SAG: variants seen among roughly 807,000 people sequenced by gnomAD.
The protein encoded by SAG is S-antigen visual arrestin, also known as S-arrestin.
SAG carries 45 observed loss-of-function variants against 55.0 expected under a neutral mutation model. That is an observed-to-expected ratio of 0.82 (90% CI 0.64 to 1.05). The LOEUF (loss-of-function observed/expected upper bound fraction) is 1.05. Among genes scored for constraint, SAG ranks in the 50% least tolerant of loss-of-function variants. The probability of loss-of-function intolerance (pLI) is 0.00; values close to 1 mark genes in which losing one functional copy is unlikely to be tolerated. For missense variants in SAG, 455 were observed against 512.1 expected (o/e 0.89, Z 1.08); for synonymous variants, 189 against 197.4 (o/e 0.96, Z 0.36).
intron 10 of SAG, chr2:233,333,305 A>C (rs924958361): frequency 6.6e-6 from 1 of 152,166 alleles, no homozygotes. Context: ...ACCTTTCCTC[A>C]TGTGCTCAGC....
At chr2:233,314,292 A>G (rs983293537) in intron 2 of SAG, among the ~76,000 whole-genome samples, 1 of 151,594 alleles carries the variant, frequency 6.6e-6, no homozygotes, top group Admixed American at 6.6e-5. Flanking sequence ...GGGTGCTGGC[A>G]CCTCCCTGGG....
intron 11 of SAG, 45 bp downstream of exon 11, chr2:233,335,144 G>C: frequency 6.3e-7 from 1 of 1,583,266 alleles, no homozygotes; most frequent in Middle Eastern, 2.1e-4. Flanking sequence ...AGGGCGGGCT[G>C]GTGCTGGTCT....
chr2:233,335,237 T>C, intron 11 of SAG, 138 bp downstream of exon 11: 2 of 1,152,262 alleles, frequency 1.7e-6, no homozygotes, highest in Non-Finnish European at 2.4e-6. Flanking sequence ...GGAGTGCATA[T>C]CTACGGGCCC....
intron 10 of SAG, chr2:233,332,013 C>T: frequency 5.0e-6 from 2 of 400,954 alleles, no homozygotes; most frequent in Non-Finnish European, 9.1e-6. Flanking sequence ...TCTATTTATC[C>T]TTGGAATGAA....
intron 6 of SAG, among the ~76,000 whole-genome samples, chr2:233,323,467 G>A (rs1029438735): frequency 1.3e-5 from 2 of 152,002 alleles, no homozygotes; most frequent in Non-Finnish European, 2.9e-5. Context: ...AGGTTCAAGC[G>A]ATTCTTCTGC....
At chr2:233,315,640 C>G (rs1700197429) in intron 2 of SAG, among the ~76,000 whole-genome samples, 1 of 151,550 alleles carries the variant, frequency 6.6e-6, no homozygotes, top group Admixed American at 6.6e-5. Flanking sequence ...CATTCCACAG[C>G]TGGAAATAAA....
In SAG at chr2:233,316,114, G is replaced by A; in HGVS notation, c.115G>A (p.Val39Ile). 6.3e-7 allele frequency: 1 copy of A among 1,597,326 alleles called. No individual in the cohort carries two copies. The highest frequency in any genetic ancestry group is 8.5e-7 in the Non-Finnish European group (1 of 1,169,698). ...YLGNRDYIDH[V>I]SQVQPVDGVV... The stretch of plus-strand genomic sequence containing the variant: ...GGGGAACAGAGACTACATAGACCAT[G>A]TCAGCCAAGTCCAGCCTGTGGGTAA... Residue 39 changes from valine (V) to isoleucine (I), a missense_variant, in exon 3 of 16, where the codon GTC becomes ATC. Transcript: ENST00000409110.
rs557503723 is a variant in SAG at position 233,319,114 on chromosome 2, G to A, written c.181+319G>A. The A allele has an allele frequency of 5.9e-6, 3 of 508,448 alleles. No individual in the cohort carries two copies. The highest frequency in any genetic ancestry group is 2.4e-5 in the Admixed American group (1 of 41,716). The allele number at this position is 508,448 out of a possible 1,614,324, so 31.5% of individuals were successfully genotyped here. A position where few individuals can be genotyped will look rare whatever the true frequency, so the allele number is the denominator to read the frequency against. On this transcript the variant is annotated intron_variant, in intron 4 of 15. Transcript: ENST00000409110. The surrounding 1 kb of genome is among the most constrained non-coding windows in gnomAD (Gnocchi z 4.4). The stretch of plus-strand genomic sequence containing the variant: ...TGTTTCATGTACTTCTGTGCTAGGG[G>A]CAAACTCAGGAGGGTGCCTGGGGTG...
At chr2:233,312,064 T>G (rs1700089077) in intron 2 of SAG, among the ~76,000 whole-genome samples, 1 of 152,122 alleles carries the variant, frequency 6.6e-6, no homozygotes, top group South Asian at 2.1e-4. Context: ...AGGTGGAGTT[T>G]GCAGTGAGCC....
intron 6 of SAG, 64 bp from the exon 7 acceptor site, chr2:233,327,057 C>T: frequency 7.7e-7 from 1 of 1,301,762 alleles, no homozygotes; most frequent in East Asian, 2.3e-5. Flanking sequence ...AGGTGTGGCC[C>T]TCTGGCCCGG....
intron 8 of SAG, 141 bp from the exon 9 acceptor site, chr2:233,329,352 T>C: frequency 4.6e-6 from 3 of 648,682 alleles, no homozygotes; most frequent in Non-Finnish European, 8.3e-6. Flanking sequence ...TTAGAAGAAA[T>C]GTATTGCTAT....
At chr2:233,339,939 G>A (rs960506312) in intron 12 of SAG, among the ~76,000 whole-genome samples, 3 of 147,648 alleles carry the variant, frequency 2.0e-5, no homozygotes, top group African/African-American at 7.5e-5. Context: ...CTGGATTACA[G>A]GTGTGAGCCA....
chr2:233,311,329 C>T (rs1700070282), intron 2 of SAG, among the ~76,000 whole-genome samples: 1 of 152,114 alleles, frequency 6.6e-6, no homozygotes, highest in South Asian at 2.1e-4. Flanking sequence ...TTGACAACAT[C>T]CAGAAGGAAG....
intron 5 of SAG, among the ~76,000 whole-genome samples, chr2:233,322,391 G>A (rs181978537): frequency 6.6e-6 from 1 of 152,196 alleles, no homozygotes. Context: ...TTTATGATGT[G>A]GGAAAATGGT....
chr2:233,318,328 C>T (rs1454133453), intron 3 of SAG, among the ~76,000 whole-genome samples: 1 of 150,846 alleles, frequency 6.6e-6, no homozygotes, highest in Non-Finnish European at 1.5e-5. Flanking sequence ...CCACACCCAG[C>T]TAATTTTTTT....
At chr2:233,342,466 G>C in intron 14 of SAG, 140 bp downstream of exon 14, 1 of 726,850 alleles carries the variant, frequency 1.4e-6, no homozygotes, top group Middle Eastern at 2.3e-4. Flanking sequence ...TCTACAAGGT[G>C]AATAGTCTGG....
intron 7 of SAG, chr2:233,327,687 C>A: frequency 6.6e-6 from 1 of 152,658 alleles, no homozygotes; most frequent in Non-Finnish European, 1.5e-5. Context: ...GGATTACAGG[C>A]GTGCGCCACC....
At chr2:233,334,791 A>G in intron 10 of SAG, 171 bp from the exon 11 acceptor site, 2 of 672,864 alleles carry the variant, frequency 3.0e-6, no homozygotes, top group Non-Finnish European at 5.2e-6. Context: ...CTGAGATTTC[A>G]CAAGCACTGT....
At chr2:233,328,114 T>G (rs1339098282) in intron 7 of SAG, 1 of 186,000 alleles carries the variant, frequency 5.4e-6, no homozygotes, top group Non-Finnish European at 1.1e-5. Context: ...TGAGCTGCAG[T>G]AATGGAGCTC....
Sources: allele counts gnomAD v4.1 joint callset (sites outside exome capture counted in the v4.1 genomes callset), GRCh38; gene constraint gnomAD v4.1.1; non-coding constraint Gnocchi (gnomAD v3.1); transcripts MANE v1.5; gene names NCBI Gene and HGNC (gene_info 2026-07-23, HGNC 2026-07-21).